OXR1: variants seen among roughly 807,000 people sequenced by gnomAD.
The protein encoded by OXR1 is oxidation resistance 1.
OXR1 carries 41 observed loss-of-function variants against 104.6 expected under a neutral mutation model. The ratio of observed to expected loss-of-function variants is 0.39; its 90% confidence interval spans 0.31 to 0.51. The LOEUF is 0.51. Ranked by LOEUF, OXR1 falls within the 20% of genes least tolerant of loss-of-function variation. OXR1 has a pLI of 0.77. For synonymous variants in OXR1, 348 were observed against 348.4 expected, an observed-to-expected ratio of 1.00 and a Z score of 0.01; for missense variants, 955 against 1,031.9, an observed-to-expected ratio of 0.93 and a Z score of 1.02.
At chr8:106,592,285 A>C (rs574290395) in intron 3 of OXR1, among the ~76,000 whole-genome samples, 3 of 152,310 alleles carry the variant, frequency 2.0e-5, no homozygotes, top group African/African-American at 7.2e-5. Flanking sequence ...AATAAGAAAA[A>C]ATCAATAAAT....
At chr8:106,506,557 G>A (rs1489814956) in intron 2 of OXR1, among the ~76,000 whole-genome samples, 1 of 152,108 alleles carries the variant, frequency 6.6e-6, no homozygotes, top group Non-Finnish European at 1.5e-5. Flanking sequence ...AGCTTGCAGT[G>A]AGCCTATCAC....
chr8:106,702,827 G>A, intron 7 of OXR1, 79 bp from the exon 8 acceptor site: 1 of 1,114,542 alleles, frequency 9.0e-7, no homozygotes, highest in East Asian at 2.5e-5. Flanking sequence ...AACATCAGAA[G>A]AAAATTAGTA....
chr8:106,507,272 C>G (rs1355325935), intron 2 of OXR1, among the ~76,000 whole-genome samples: 1 of 152,104 alleles, frequency 6.6e-6, no homozygotes, highest in Admixed American at 6.5e-5. Context: ...GTTATATTAT[C>G]CCTCCTATAG....
At chr8:106,536,576 G>A (rs1335758929) in intron 3 of OXR1, among the ~76,000 whole-genome samples, 1 of 152,130 alleles carries the variant, frequency 6.6e-6, no homozygotes, top group East Asian at 1.9e-4. Flanking sequence ...GGGCTACTAG[G>A]AAATAGCATT....
At chr8:106,700,182 G>T (rs1418787835) in intron 7 of OXR1, among the ~76,000 whole-genome samples, 1 of 152,134 alleles carries the variant, frequency 6.6e-6, no homozygotes, top group Non-Finnish European at 1.5e-5. Flanking sequence ...GGATTAAGTA[G>T]ATACTTTAAT....
intron 3 of OXR1, among the ~76,000 whole-genome samples, chr8:106,552,000 G>C (rs1195297942): frequency 6.6e-6 from 1 of 151,330 alleles, no homozygotes; most frequent in Non-Finnish European, 1.5e-5. Flanking sequence ...GGTCCTGGCT[G>C]CAGTAAGCTA....
At chr8:106,586,753 T>C (rs1262572427) in intron 3 of OXR1, among the ~76,000 whole-genome samples, 4 of 151,784 alleles carry the variant, frequency 2.6e-5, no homozygotes, top group Non-Finnish European at 4.4e-5. Flanking sequence ...AATCAGGAGA[T>C]TGTGATGTCC....
chr8:106,307,865 G>A (rs1813527570), intron 1 of OXR1, among the ~76,000 whole-genome samples: 1 of 151,986 alleles, frequency 6.6e-6, no homozygotes, highest in Non-Finnish European at 1.5e-5. Flanking sequence ...TATTTCTGAG[G>A]ATACAGTAAA....
At chr8:106,380,620 T>C (rs1335391282) in intron 2 of OXR1, among the ~76,000 whole-genome samples, 1 of 152,244 alleles carries the variant, frequency 6.6e-6, no homozygotes, top group Admixed American at 6.5e-5. Context: ...CTCCACATCC[T>C]TGTCATCACT....
intron 3 of OXR1, among the ~76,000 whole-genome samples, chr8:106,576,023 A>ACACACAC (rs1563616871): frequency 2.0e-5 from 2 of 100,414 alleles, no homozygotes; most frequent in South Asian, 7.1e-4. Context: ...CACACACACA[A>ACACACAC]AACCCTGAAA....
chr8:106,525,352 C>A (rs888540034), intron 3 of OXR1, among the ~76,000 whole-genome samples: 1 of 152,104 alleles, frequency 6.6e-6, no homozygotes, highest in Admixed American at 6.5e-5. Context: ...CACAGCTTCC[C>A]CAAATAGCCT....
chr8:106,684,936 A>G (rs1446215748), intron 6 of OXR1, among the ~76,000 whole-genome samples: 1 of 152,094 alleles, frequency 6.6e-6, no homozygotes, highest in African/African-American at 2.4e-5. Flanking sequence ...ATTATATATT[A>G]TATATTTCTT....
intron 3 of OXR1, among the ~76,000 whole-genome samples, chr8:106,631,845 A>T (rs1822712869): frequency 6.6e-6 from 1 of 152,180 alleles, no homozygotes. Flanking sequence ...TTGCCAACTG[A>T]AAAAATCCCT....
chr8:106,550,654 T>C (rs1368342989), intron 3 of OXR1, among the ~76,000 whole-genome samples: 1 of 152,144 alleles, frequency 6.6e-6, no homozygotes, highest in Non-Finnish European at 1.5e-5. Flanking sequence ...AAGGCAGTTT[T>C]CCCTGCTCTT....
chr8:106,744,126 A>G (rs1219880953), intron 15 of OXR1, among the ~76,000 whole-genome samples: 1 of 152,194 alleles, frequency 6.6e-6, no homozygotes, highest in Non-Finnish European at 1.5e-5. Context: ...TGATCGGATG[A>G]TCTGTGCAGC....
At chr8:106,455,253 A>G (rs1290780745) in intron 2 of OXR1, among the ~76,000 whole-genome samples, 1 of 152,198 alleles carries the variant, frequency 6.6e-6, no homozygotes, top group Non-Finnish European at 1.5e-5. Context: ...TGTCTTACAA[A>G]ATAAACAAAT....
intron 9 of OXR1, among the ~76,000 whole-genome samples, 171 bp from the exon 10 acceptor site, chr8:106,710,451 G>A (rs1167868442): frequency 6.6e-6 from 1 of 151,750 alleles, no homozygotes; most frequent in Admixed American, 6.6e-5. Flanking sequence ...TTGTATCTGT[G>A]ACTTTACCTT....
chr8:106,402,899 CA>C (rs1271642680), intron 2 of OXR1, among the ~76,000 whole-genome samples: 1 of 152,162 alleles, frequency 6.6e-6, no homozygotes, highest in Non-Finnish European at 1.5e-5. Context: ...CAGCTCACCA[CA>C]AGCTCCGCCT....
chr8:106,415,305 A>G (rs537873000), intron 2 of OXR1, among the ~76,000 whole-genome samples: 24 of 151,784 alleles, frequency 1.6e-4, no homozygotes, highest in Non-Finnish European at 2.9e-4. Context: ...GCCATTTTTT[A>G]TTGGTATTAA....
Sources: allele counts gnomAD v4.1 joint callset (sites outside exome capture counted in the v4.1 genomes callset), GRCh38; gene constraint gnomAD v4.1.1; transcripts MANE v1.5; gene names NCBI Gene and HGNC (gene_info 2026-07-23, HGNC 2026-07-21).